Variants in CCR3 observed in about 807,000 individuals in gnomAD.
CCR3 encodes the protein C-C motif chemokine receptor 3.
For missense variants in CCR3, 419 were observed against 437.5 expected, an observed-to-expected ratio of 0.96 and a Z score of 0.38; for synonymous variants, 203 against 179.2, an observed-to-expected ratio of 1.13 and a Z score of -1.06.
upstream of CCR3, among the ~76,000 whole-genome samples, chr3:46,240,555 A>G (rs560456674): frequency 3.6e-4 from 54 of 152,060 alleles, 1 homozygote; most frequent in African/African-American, 1.1e-3. Flanking sequence ...TGTTTTCTAA[A>G]CCCTGTAGAA....
intron 1 of CCR3, among the ~76,000 whole-genome samples, chr3:46,243,914 T>A (rs962380855): frequency 6.6e-6 from 1 of 152,198 alleles, no homozygotes; most frequent in African/African-American, 2.4e-5. Context: ...ACAACAATAA[T>A]GGCAACCCTT....
chr3:46,239,247 C>T (rs148265706), upstream of CCR3, among the ~76,000 whole-genome samples: 12 of 152,150 alleles, frequency 7.9e-5, no homozygotes, highest in Non-Finnish European at 1.5e-4. Context: ...CAATCTCTTG[C>T]GAATTAGCTA....
rs200374023 is a variant in CCR3 at position 46,265,485 on chromosome 3, C to G, written c.327C>G (p.Leu109=). The G allele has an allele frequency of 6.2e-7, 1 of 1,614,180 alleles. No individual in the cohort carries two copies. The highest frequency in any genetic ancestry group is 8.5e-7 in the Non-Finnish European group (1 of 1,180,018). Reference sequence around the variant, plus strand: ...TTGGCCATGGCATGTGTAAGCTCCTCTCAGGGTTTTATCACACAGGCTTGT... The same window carrying G: ...TTGGCCATGGCATGTGTAAGCTCCTGTCAGGGTTTTATCACACAGGCTTGT... The part of the protein sequence containing the change: ...WVFGHGMCKL[L]SGFYHTGLYS... Residue 109 remains leucine (L), a synonymous_variant, in exon 2 of 2, where the codon CTC becomes CTG. Transcript: ENST00000395940.
chr3:46,241,055 C>A (rs1450614003), upstream of CCR3, among the ~76,000 whole-genome samples: 6 of 152,138 alleles, frequency 3.9e-5, no homozygotes, highest in Non-Finnish European at 7.3e-5. Flanking sequence ...TGATCACCAA[C>A]AAGGTTATAG....
chr3:46,237,332 T>G (rs1263786619), intron 2 of CCR3, among the ~76,000 whole-genome samples: 1 of 152,238 alleles, frequency 6.6e-6, no homozygotes, highest in Non-Finnish European at 1.5e-5. Context: ...GTACATATTC[T>G]GGATATTAGT....
chr3:46,242,443 TC>T (rs1184273637), upstream of CCR3: 1 of 152,200 alleles, frequency 6.6e-6, no homozygotes, highest in Non-Finnish European at 1.5e-5. Flanking sequence ...ATCAAGGACT[TC>T]ACTAAATTAG....
chr3:46,240,169 G>T (rs1396717543), upstream of CCR3, among the ~76,000 whole-genome samples: 1 of 152,136 alleles, frequency 6.6e-6, no homozygotes, highest in Non-Finnish European at 1.5e-5. Flanking sequence ...ACCACAATGG[G>T]CCTGCAAAAT....
chr3:46,222,022 T>C (rs914979715), intron 2 of CCR3, among the ~76,000 whole-genome samples: 3 of 152,192 alleles, frequency 2.0e-5, no homozygotes, highest in Non-Finnish European at 4.4e-5. Flanking sequence ...GCACTGAAGA[T>C]TCCCCCTGAG....
chr3:46,218,431 C>A (rs552202738), intron 2 of CCR3, among the ~76,000 whole-genome samples: 1 of 152,078 alleles, frequency 6.6e-6, no homozygotes, highest in Admixed American at 6.5e-5. Context: ...TGACACTATT[C>A]CAAAAGATAG....
chr3:46,245,736 T>A (rs1310514906), intron 1 of CCR3, among the ~76,000 whole-genome samples: 1 of 144,744 alleles, frequency 6.9e-6, no homozygotes, highest in African/African-American at 2.5e-5. Flanking sequence ...CCCCTGTGTC[T>A]GTTGTTCTCT....
At chr3:46,240,770 G>A (rs1700073243), upstream of CCR3, among the ~76,000 whole-genome samples, 1 of 152,088 alleles carries the variant, frequency 6.6e-6, no homozygotes, top group African/African-American at 2.4e-5. Context: ...TACAAGCTAG[G>A]CATTGCTACA....
At chr3:46,244,373 C>G (rs1326967021) in intron 1 of CCR3, among the ~76,000 whole-genome samples, 5 of 152,198 alleles carry the variant, frequency 3.3e-5, no homozygotes, top group African/African-American at 1.2e-4. Flanking sequence ...TACTATCTTT[C>G]ATGCGCGTCC....
intron 2 of CCR3, among the ~76,000 whole-genome samples, chr3:46,222,222 G>C (rs1331954914): frequency 6.6e-6 from 1 of 152,196 alleles, no homozygotes; most frequent in Non-Finnish European, 1.5e-5. Flanking sequence ...AGCAGCCACA[G>C]AGTATGGCAC....
At chr3:46,216,249 T>A (rs1196534440) in intron 2 of CCR3, among the ~76,000 whole-genome samples, 1 of 152,244 alleles carries the variant, frequency 6.6e-6, no homozygotes, top group African/African-American at 2.4e-5. Context: ...TGCAACTTTA[T>A]GTGTTGACAC....
At chr3:46,253,538 G>A (rs939476809) in intron 1 of CCR3, among the ~76,000 whole-genome samples, 20 of 152,048 alleles carry the variant, frequency 1.3e-4, no homozygotes, top group Non-Finnish European at 2.6e-4. Context: ...GACATATTTG[G>A]ACCACTTTCG....
intron 1 of CCR3, among the ~76,000 whole-genome samples, chr3:46,252,854 C>A (rs1344714136): frequency 6.6e-6 from 1 of 152,058 alleles, no homozygotes; most frequent in Non-Finnish European, 1.5e-5. Context: ...TTATTCTACC[C>A]CTAAGTTTCC....
In CCR3 at chr3:46,219,039, T is replaced by C. The variant is rs1699805566; in HGVS notation, c.-68+8132T>C. 2.0e-5 allele frequency among the ~76,000 whole-genome samples: 3 copies of C among 152,266 alleles called. No individual in the cohort carries two copies. The South Asian group carries it at 6.2e-4, about 32-fold the overall frequency. ...AATTAGTAATGAAGAAGTCAAACTG[T>C]CGCTGTTTGCCCATGATATGATCAC... On this transcript the variant is annotated intron_variant, in intron 2 of 3. Transcript: ENST00000357422.
At chr3:46,222,785 C>A (rs1417011841) in intron 2 of CCR3, among the ~76,000 whole-genome samples, 1 of 152,178 alleles carries the variant, frequency 6.6e-6, no homozygotes, top group African/African-American at 2.4e-5. Flanking sequence ...ATATTTCTTT[C>A]TCAGGATTGT....
chr3:46,238,301 T>G (rs1700043208), upstream of CCR3, among the ~76,000 whole-genome samples: 1 of 152,226 alleles, frequency 6.6e-6, no homozygotes. Flanking sequence ...TGTATCTCAT[T>G]GCAATTTTAA....
Sources: gnomAD v4.1 joint callset for allele counts (sites outside exome capture counted in the v4.1 genomes callset) on GRCh38, gnomAD v4.1.1 for gene constraint, MANE v1.5 for transcripts, NCBI Gene and HGNC (gene_info 2026-07-23, HGNC 2026-07-21) for gene names.